Variants in CREBBP observed in about 807,000 individuals in gnomAD.
CREBBP encodes CREB-binding protein.
Under a neutral mutation model 265.0 loss-of-function variants are expected in CREBBP, and 19 were observed. That is an observed-to-expected ratio of 0.07 (90% CI 0.05 to 0.11). The LOEUF is 0.11. Among genes scored for constraint, CREBBP ranks in the 10% least tolerant of loss-of-function variants. CREBBP has a pLI of 1.00. For missense variants in CREBBP, 2,525 were observed against 3,219.0 expected (o/e 0.78, Z 5.22); for synonymous variants, 1,457 against 1,223.7 (o/e 1.19, Z -3.98).
rs2141492058 is a variant in CREBBP at position 3,850,536 on chromosome 16, C to G, written c.559G>C (p.Gly187Arg). Residue 187 changes from glycine (G) to arginine (R), a missense_variant, in exon 2 of 31, where the codon GGC becomes CGC. Gly to Arg is a moderately radical substitution (Grantham distance 125, BLOSUM62 -2). Around this residue, in one of 19 missense-constraint regions of CREBBP, gnomAD observed 356 missense variants for 340.4 expected, o/e 1.05. Coordinates refer to ENST00000262367, the MANE Select transcript of CREBBP (RefSeq NM_004380.3). Reference protein sequence around the residue: ...MNANFNQTHPGLLNSNSGHSL... With the variant: ...MNANFNQTHPRLLNSNSGHSL... ...TGGCCAGAGTTACTATTGAGGAGGC[C>G]TGGGTGGGTCTGGTTAAAGTTAGCA... 6.2e-7 allele frequency: 1 copy of G among 1,614,212 alleles called. No individual in the cohort carries two copies. Among genetic ancestry groups the G allele is most frequent in the South Asian group, 1.1e-5 (1 of 91,086 alleles).
intron 1 of CREBBP, among the ~76,000 whole-genome samples, chr16:3,852,435 T>A (rs1240290279): frequency 2.0e-5 from 3 of 152,052 alleles, no homozygotes; most frequent in Non-Finnish European, 4.4e-5. Flanking sequence ...CCTCCCAAAG[T>A]GCTGGGATTA....
chr16:3,849,359 C>CCCTA (rs1430639692), intron 2 of CREBBP, among the ~76,000 whole-genome samples: 1 of 147,724 alleles, frequency 6.8e-6, no homozygotes, highest in Non-Finnish European at 1.5e-5. Context: ...CCAGGCCTTT[C>CCCTA]CCTAGCAGAG....
intron 23 of CREBBP, chr16:3,743,714 C>G (rs972977890): frequency 3.3e-5 from 5 of 152,048 alleles, no homozygotes; most frequent in Admixed American, 1.3e-4. Context: ...AAGGCCATCC[C>G]AAGACTTGAG....
At chr16:3,860,336 C>T (rs1567371024) in intron 1 of CREBBP, among the ~76,000 whole-genome samples, 1 of 152,118 alleles carries the variant, frequency 6.6e-6, no homozygotes, top group Non-Finnish European at 1.5e-5. Flanking sequence ...CGAAAAACTT[C>T]CAAAAGGAAT....
chr16:3,844,147 CAAAAAAAA>C (rs545907683), intron 2 of CREBBP, among the ~76,000 whole-genome samples: 3 of 19,714 alleles, frequency 1.5e-4, no homozygotes, highest in Non-Finnish European at 3.3e-4. Flanking sequence ...GACTCCGTCT[CAAAAAAAA>C]AAAAAAAAAA....
Position 3,736,827 on chromosome 16 carries a change from A to G in CREBBP, c.4395-12T>C, listed in dbSNP as rs2052073639. 9 of 1,614,094 alleles carry G rather than the reference A, an allele frequency of 5.6e-6. No homozygotes were observed. The highest frequency in any genetic ancestry group is 6.8e-6 in the Non-Finnish European group (8 of 1,180,026). On this transcript the variant is annotated splice_polypyrimidine_tract_variant and intron_variant, in intron 26 of 30. Coordinates refer to ENST00000262367, the MANE Select transcript of CREBBP (RefSeq NM_004380.3). ...GCCCTGTCACATACCTGCAGGACCCACGCACACACGTCAGATGAACGTGCC... is the reference window on the plus strand; with the variant it reads ...GCCCTGTCACATACCTGCAGGACCCGCGCACACACGTCAGATGAACGTGCC...
At chr16:3,817,567 A>T (rs1443585505) in intron 2 of CREBBP, among the ~76,000 whole-genome samples, 3 of 152,218 alleles carry the variant, frequency 2.0e-5, no homozygotes, top group African/African-American at 7.2e-5. Context: ...GGGTTTAAGG[A>T]GAGAGAAAAG....
intron 3 of CREBBP, 39 bp from the exon 4 acceptor site, chr16:3,793,665 C>CAA: frequency 6.2e-7 from 1 of 1,601,916 alleles, no homozygotes; most frequent in Non-Finnish European, 8.5e-7. Context: ...TTTAACCTCT[C>CAA]AGAGTTCCAA....
chr16:3,844,137 G>T (rs2141460934), intron 2 of CREBBP, among the ~76,000 whole-genome samples: 1 of 104,884 alleles, frequency 9.5e-6, no homozygotes, highest in Non-Finnish European at 1.7e-5. Flanking sequence ...GACAGAGCGA[G>T]ACTCCGTCTC....
intron 1 of CREBBP, among the ~76,000 whole-genome samples, chr16:3,857,501 C>T (rs1000471523): frequency 2.0e-5 from 3 of 152,156 alleles, no homozygotes; most frequent in Non-Finnish European, 4.4e-5. Flanking sequence ...GGAGGCAGGC[C>T]AGGATATTGC....
chr16:3,837,386 C>T (rs1597029686), intron 2 of CREBBP, among the ~76,000 whole-genome samples: 1 of 152,212 alleles, frequency 6.6e-6, no homozygotes, highest in African/African-American at 2.4e-5. Flanking sequence ...GAGGCCGAGG[C>T]GGGCAGACTG....
Position 3,731,618 on chromosome 16 carries a change from G to A in CREBBP, c.4891-145C>T. ...GATGCCTTGGGATGGAACAAAATTG[G>A]TGACACGTTGCATGATGTCACCCAA... is the stretch of plus-strand genomic sequence containing the variant. On this transcript the variant is annotated intron_variant, in intron 29 of 30. Transcript: ENST00000262367. This position sits in a 1 kb window ranked among gnomAD's most constrained non-coding sequence, Gnocchi z 7.7. 3 of 1,396,290 alleles carry A rather than the reference G, an allele frequency of 2.1e-6. No individual in the cohort carries two copies. The highest frequency in any genetic ancestry group is 3.5e-5 in the Admixed American group (2 of 57,556). 86.5% of individuals were successfully genotyped at this position (1,396,290 alleles called of 1,614,324 possible).
intron 2 of CREBBP, 71 bp from the exon 3 acceptor site, chr16:3,810,850 TCACA>T: frequency 6.8e-7 from 1 of 1,474,040 alleles, no homozygotes. Flanking sequence ...TGGGAAATGC[TCACA>T]CAGTTTCCTA....
chr16:3,765,854 G>C (rs1252299092), intron 16 of CREBBP, among the ~76,000 whole-genome samples: 2 of 151,946 alleles, frequency 1.3e-5, no homozygotes, highest in African/African-American at 4.8e-5. Context: ...ATGTTGCCTA[G>C]GCTGCTCTCG....
rs71133663 is a variant in CREBBP at position 3,876,399 on chromosome 16, CAAAAAAAAAAA to C, written c.85+3422_85+3432del. Among the ~76,000 whole-genome samples the C allele has an allele frequency of 5.9e-3, 108 of 18,164 alleles. 1 individual carries two copies. In the East Asian group the frequency reaches 0.11, roughly 19 times the overall value. The allele number at this position is 18,164 out of a possible 152,430, so 11.9% of individuals were successfully genotyped here. A position where few individuals can be genotyped will look rare whatever the true frequency, so the allele number is the denominator to read the frequency against. On this transcript the variant is annotated intron_variant, in intron 1 of 30. Coordinates refer to ENST00000262367, the MANE Select transcript of CREBBP (RefSeq NM_004380.3). ...GTGCAAATTTTGCAATAAAGCTGAC[CAAAAAAAAAAA>C]AAAAAAAAAAAAAAAACAACCCAGA...
At position 3,747,927 on chromosome 16, in the gene CREBBP, A is replaced by C. The variant is rs567673122; in HGVS notation, c.3836+1700T>G. 7.2e-5 allele frequency among the ~76,000 whole-genome samples: 11 copies of C among 152,276 alleles called. No homozygotes were observed. In the East Asian group the frequency reaches 2.1e-3, roughly 29 times the overall value. On this transcript the variant is annotated intron_variant, in intron 21 of 30. Transcript: ENST00000262367. ...ACATGGTGAAACCCCGTCTCTACTA[A>C]AAATACAAAAAAATTAGCCAGGTGT...
At chr16:3,798,921 A>T (rs1383366759) in intron 3 of CREBBP, among the ~76,000 whole-genome samples, 3 of 152,238 alleles carry the variant, frequency 2.0e-5, no homozygotes, top group Non-Finnish European at 2.9e-5. Context: ...CAAAAAGTGG[A>T]TACAATTCAA....
chr16:3,771,378 G>A (rs1013982078), intron 13 of CREBBP, among the ~76,000 whole-genome samples: 1 of 151,988 alleles, frequency 6.6e-6, no homozygotes, highest in African/African-American at 2.4e-5. Flanking sequence ...CAAATGTATG[G>A]GAATTTAATC....
At chr16:3,782,565 A>G in intron 6 of CREBBP, 119 bp downstream of exon 6, 1 of 1,344,632 alleles carries the variant, frequency 7.4e-7, no homozygotes, top group Non-Finnish European at 1.0e-6. Flanking sequence ...GAGATTTTTT[A>G]TTTCAACCAC....
Sources: gnomAD v4.1 joint callset for allele counts (sites outside exome capture counted in the v4.1 genomes callset) on GRCh38, gnomAD v4.1.1 for gene constraint, gnomAD v4.1.1 regional missense constraint, Gnocchi (gnomAD v3.1) non-coding constraint, MANE v1.5 for transcripts, NCBI Gene and HGNC (gene_info 2026-07-23, HGNC 2026-07-21) for gene names.